LAMA5: variants seen among roughly 807,000 people sequenced by gnomAD.
LAMA5 encodes the protein laminin subunit alpha-5.
Under a neutral mutation model 433.4 loss-of-function variants are expected in LAMA5, and 260 were observed. The observed-to-expected ratio is 0.60, with a 90% CI of 0.54 to 0.66. The LOEUF (loss-of-function observed/expected upper bound fraction) is 0.66, where lower values mean the gene tolerates loss of function less well. LAMA5 is among the 30% of genes least tolerant of loss of function. The pLI, the probability that LAMA5 is intolerant of heterozygous loss-of-function variation, is 0.00. For synonymous variants in LAMA5, 2,620 were observed against 2,226.6 expected (o/e 1.18, Z -4.97); for missense variants, 5,378 against 5,258.5 (o/e 1.02, Z -0.70).
At position 62,318,589 on chromosome 20, in the gene LAMA5, T is replaced by C; in HGVS notation, c.7104A>G (p.Thr2368=). 1 of 1,610,842 alleles carries C rather than the reference T, an allele frequency of 6.2e-7. No individual in the cohort carries two copies. Among genetic ancestry groups the C allele is most frequent in the South Asian group, 1.1e-5 (1 of 91,068 alleles). ...GCTGGGCCAGCCGGTCGCGGGTTTGTGTGGCCAGTGCCTGGTTCTCCTCCC... is the reference window on the plus strand; with the variant it reads ...GCTGGGCCAGCCGGTCGCGGGTTTGCGTGGCCAGTGCCTGGTTCTCCTCCC... The part of the protein sequence containing the change: ...SLWEENQALA[T]QTRDRLAQHE... The change falls in exon 53 of 80, where the codon ACA becomes ACG. Residue 2368 remains threonine (T), a synonymous_variant. Coordinates refer to ENST00000252999, the MANE Select transcript of LAMA5 (RefSeq NM_005560.6).
intron 3 of LAMA5, among the ~76,000 whole-genome samples, chr20:62,352,815 C>A (rs1386374137): frequency 6.6e-6 from 1 of 152,146 alleles, no homozygotes; most frequent in Non-Finnish European, 1.5e-5. Context: ...GCTAGGCTGG[C>A]AGGAGGTGAG....
intron 11 of LAMA5, among the ~76,000 whole-genome samples, chr20:62,339,430 G>T (rs534085438): frequency 4.6e-4 from 70 of 151,966 alleles, no homozygotes; most frequent in Admixed American, 2.1e-3. Context: ...TAGAGACGGG[G>T]TTTCACTATG....
chr20:62,332,823 G>C (rs529944290), intron 26 of LAMA5, 106 bp from the exon 27 acceptor site: 3 of 1,398,282 alleles, frequency 2.1e-6, no homozygotes, highest in Non-Finnish European at 2.9e-6. Context: ...CCCTTCAGCC[G>C]AGTCCCACCC....
At position 62,352,496 on chromosome 20, in the gene LAMA5, C is replaced by A. The variant is rs1984507307; in HGVS notation, c.569-136G>T. Reference sequence around the variant, plus strand: ...CCAAGAGGCCGCGTGACAGAGACCACAGCTCACTGGCTGAAGGGGCCTGGC... The same window carrying A: ...CCAAGAGGCCGCGTGACAGAGACCAAAGCTCACTGGCTGAAGGGGCCTGGC... On this transcript the variant is annotated intron_variant, in intron 3 of 79. Transcript: ENST00000252999. 7.7e-6 allele frequency: 5 copies of A among 649,540 alleles called. No homozygotes were observed. The Admixed American group carries it at 1.0e-4, about 13-fold the overall frequency. The allele number at this position is 649,540 out of a possible 1,614,324, so 40.2% of individuals were successfully genotyped here.
intron 37 of LAMA5, 29 bp from the exon 38 acceptor site, chr20:62,327,435 G>A (rs770389755): frequency 6.3e-7 from 1 of 1,592,210 alleles, no homozygotes; most frequent in South Asian, 1.1e-5. Flanking sequence ...GGCTGCACAC[G>A]GGTGGATGCC....
intron 79 of LAMA5, 66 bp downstream of exon 79, chr20:62,309,650 T>TGGGGGGGGGGGGGGG (rs1568885175): frequency 6.4e-5 from 19 of 297,498 alleles, no homozygotes; most frequent in South Asian, 1.5e-4. Flanking sequence ...GGGGGGAGGG[T>TGGGGGGGGGGGGGGG]GGTAGGTTAC....
Position 62,324,566 on chromosome 20 carries a change from CG to C in LAMA5, c.5530-13del, listed in dbSNP as rs1568925685. 6.3e-7 allele frequency: 1 copy of C among 1,589,808 alleles called. No individual in the cohort carries two copies. Among genetic ancestry groups the C allele is most frequent in the African/African-American group, 1.3e-5 (1 of 74,494 alleles). On this transcript the variant is annotated splice_polypyrimidine_tract_variant and intron_variant, in intron 41 of 79. Transcript: ENST00000252999. This position sits in a 1 kb window ranked among gnomAD's most constrained non-coding sequence, Gnocchi z 4.4. ...CCGGGGGCACATTCCTGAGGGTGTA[CG>C]GGGGCAGGTGGCATCAGCGATTGAG...
intron 53 of LAMA5, 39 bp downstream of exon 53, chr20:62,318,415 G>A (rs1290284782): frequency 2.6e-6 from 4 of 1,541,882 alleles, no homozygotes; most frequent in Non-Finnish European, 3.5e-6. Context: ...GAGGAGGCGG[G>A]AAGAGGAGCA....
At chr20:62,320,991 A>AGAGGTCAT (rs1987641916) in intron 48 of LAMA5, 101 bp from the exon 49 acceptor site, 1 of 1,299,730 alleles carries the variant, frequency 7.7e-7, no homozygotes, top group African/African-American at 1.5e-5. Flanking sequence ...GGGCTCAGCC[A>AGAGGTCAT]GAGGTCATGA....
Position 62,320,976 on chromosome 20 carries a change from G to A in LAMA5, c.6497-86C>T, listed in dbSNP as rs1316698797. 13 of 1,447,794 alleles carry A rather than the reference G, an allele frequency of 9.0e-6. 1 individual carries two copies. In the South Asian group the frequency reaches 1.7e-4, roughly 19 times the overall value. 89.7% of individuals were successfully genotyped at this position (1,447,794 alleles called of 1,614,324 possible). ...GCTGGGGCCCTGGGGTCATTAGGGTGGGGAGGGCTCAGCCAGAGGTCATGA... is the reference window on the plus strand; with the variant it reads ...GCTGGGGCCCTGGGGTCATTAGGGTAGGGAGGGCTCAGCCAGAGGTCATGA... On this transcript the variant is annotated intron_variant, in intron 48 of 79. Coordinates refer to ENST00000252999, the MANE Select transcript of LAMA5 (RefSeq NM_005560.6).
chr20:62,312,839 A>G, intron 66 of LAMA5, 49 bp downstream of exon 66: 1 of 1,602,050 alleles, frequency 6.2e-7, no homozygotes, highest in Non-Finnish European at 8.5e-7. Flanking sequence ...CCCCGCCCCC[A>G]TCGTTCCATC....
rs767931382 is a variant in LAMA5 at position 62,312,541 on chromosome 20, AAGC to A, written c.9228-12_9228-10del. The A allele has an allele frequency of 5.1e-5, 82 of 1,599,326 alleles. No individual in the cohort carries two copies. In the African/African-American group the frequency reaches 1.1e-3, roughly 21 times the overall value. The stretch of plus-strand genomic sequence containing the variant: ...GGAAGAGCCGTCGCAGGCTGTGGGG[AAGC>A]GGGGATGCGGGTCAGGGCGCCACCT... On this transcript the variant is annotated splice_polypyrimidine_tract_variant and intron_variant, in intron 67 of 79. Coordinates refer to ENST00000252999, the MANE Select transcript of LAMA5 (RefSeq NM_005560.6).
chr20:62,330,802 G>A lies in LAMA5; in HGVS notation c.3793C>T (p.Pro1265Ser), dbSNP rs374518895. Reference sequence around the variant, plus strand: ...GGGTCCACAGCGGTGGGGGGCCGAGGTCGGGGTCCAGCTGGGGACATGGCT... The same window carrying A: ...GGGTCCACAGCGGTGGGGGGCCGAGATCGGGGTCCAGCTGGGGACATGGCT... ...TPAMSPAGPR[P>S]RPPTAVDPDA... Residue 1265 changes from proline to serine, a missense_variant, in exon 30 of 80, where the codon CCT becomes TCT. Pro to Ser is a moderately conservative substitution (Grantham distance 74). Coordinates refer to ENST00000252999, the MANE Select transcript of LAMA5 (RefSeq NM_005560.6). 2.4e-5 allele frequency: 38 copies of A among 1,558,954 alleles called. No homozygotes were observed. In the African/African-American group the frequency reaches 3.5e-4, roughly 14 times the overall value.
chr20:62,334,149 T>C (rs1981080654), intron 22 of LAMA5, 37 bp downstream of exon 22: 2 of 1,602,792 alleles, frequency 1.2e-6, no homozygotes, highest in Non-Finnish European at 8.5e-7. Flanking sequence ...TGGCTCCACT[T>C]CTAGGCTGAG....
chr20:62,330,067 G>A (rs966393448), intron 31 of LAMA5, 151 bp from the exon 32 acceptor site: 20 of 1,146,820 alleles, frequency 1.7e-5, no homozygotes, highest in Middle Eastern at 2.9e-4. Context: ...CTGCAAGGCC[G>A]GCCCCTCATG....
At position 62,310,927 on chromosome 20, in the gene LAMA5, C is replaced by T. The variant is rs745392632; in HGVS notation, c.10256G>A (p.Arg3419His). 56 of 1,610,708 alleles carry T rather than the reference C, an allele frequency of 3.5e-5. No individual in the cohort carries two copies. Among genetic ancestry groups the T allele is most frequent in the East Asian group, 1.8e-4 (8 of 44,874 alleles). Residue 3419 changes from arginine to histidine, a missense_variant, in exon 74 of 80, where the codon CGC (arginine) becomes CAC (histidine). Transcript: ENST00000252999. ...GTRLRAQSRQ[R>H]SRPGRWHKVS... The stretch of plus-strand genomic sequence containing the variant: ...CTTGTGCCAGCGGCCAGGCCGGGAG[C>T]GCTGGCGGCTCTGGGCGCGGAGCCG...
intron 7 of LAMA5, 34 bp from the exon 8 acceptor site, chr20:62,346,834 C>G: frequency 6.2e-7 from 1 of 1,608,602 alleles, no homozygotes; most frequent in South Asian, 1.1e-5. Flanking sequence ...TTGGCACGCC[C>G]TCCACAGGCC....
chr20:62,311,816 T>TTGGCGC, intron 70 of LAMA5, 32 bp from the exon 71 acceptor site: 2 of 1,521,008 alleles, frequency 1.3e-6, no homozygotes, highest in Non-Finnish European at 1.8e-6. Context: ...GCTCGGTTTT[T>TTGGCGC]CCCCACCCTG....
intron 11 of LAMA5, among the ~76,000 whole-genome samples, chr20:62,340,591 G>A (rs1199184573): frequency 2.6e-5 from 4 of 151,962 alleles, no homozygotes; most frequent in South Asian, 4.2e-4. Flanking sequence ...GATTACAGGC[G>A]TGAGCCATCG....
Sources: allele counts gnomAD v4.1 joint callset (sites outside exome capture counted in the v4.1 genomes callset), GRCh38; gene constraint gnomAD v4.1.1; non-coding constraint Gnocchi (gnomAD v3.1); transcripts MANE v1.5; gene names NCBI Gene and HGNC (gene_info 2026-07-23, HGNC 2026-07-21).